HIRA: variants seen among roughly 807,000 people sequenced by gnomAD.
HIRA encodes protein HIRA.
In HIRA, 13 loss-of-function variants were observed where a neutral mutation model predicts 126.6. The observed-to-expected ratio is 0.10, with a 90% CI of 0.07 to 0.16. HIRA has a LOEUF of 0.16. HIRA is among the 10% of genes least tolerant of loss of function. The pLI is 1.00. For missense variants in HIRA, 834 were observed against 1,314.4 expected (o/e 0.63, Z 5.65); for synonymous variants, 511 against 520.0 (o/e 0.98, Z 0.24).
chr22:19,357,525 G>T lies in HIRA; in HGVS notation c.2235-474C>A, dbSNP rs180832678. On this transcript the variant is annotated intron_variant, in intron 18 of 24. Transcript: ENST00000263208. ...TCCAGGGGGCTGTCTGGCTGGCGTG[G>T]GAGATGTGTGTCGCTCCCAAACAAG... Among the ~76,000 whole-genome samples, 4 of 152,332 alleles carry T rather than the reference G, an allele frequency of 2.6e-5. No individual in the cohort carries two copies. In the East Asian group the frequency reaches 7.7e-4, roughly 29 times the overall value.
At chr22:19,400,493 T>C (rs1257934735) in intron 5 of HIRA, among the ~76,000 whole-genome samples, 1 of 152,214 alleles carries the variant, frequency 6.6e-6, no homozygotes, top group African/African-American at 2.4e-5. Context: ...GATGTTTCTA[T>C]CACTGGAACT....
At chr22:19,399,952 T>G (rs1884230618) in intron 5 of HIRA, among the ~76,000 whole-genome samples, 1 of 152,170 alleles carries the variant, frequency 6.6e-6, no homozygotes, top group Admixed American at 6.5e-5. Context: ...CAACTTTCTC[T>G]AGTAACTGAG....
chr22:19,383,159 C>A (rs751889058), intron 13 of HIRA, among the ~76,000 whole-genome samples: 6 of 152,082 alleles, frequency 3.9e-5, no homozygotes, highest in South Asian at 2.1e-4. Context: ...AAAAAAAAGA[C>A]TGGAAATACA....
intron 1 of HIRA, among the ~76,000 whole-genome samples, chr22:19,412,699 A>G (rs538606510): frequency 9.7e-4 from 147 of 152,284 alleles, no homozygotes; most frequent in African/African-American, 3.1e-3. Flanking sequence ...TGACTACCCA[A>G]GAGCACGTAC....
chr22:19,397,743 C>G (rs886590042), intron 6 of HIRA, among the ~76,000 whole-genome samples: 1 of 152,186 alleles, frequency 6.6e-6, no homozygotes, highest in Non-Finnish European at 1.5e-5. Context: ...CCAACAACAG[C>G]TGCCCATCCA....
At chr22:19,370,756 G>A (rs1010108388) in intron 15 of HIRA, among the ~76,000 whole-genome samples, 1 of 152,162 alleles carries the variant, frequency 6.6e-6, no homozygotes, top group African/African-American at 2.4e-5. Context: ...ACTCATTCTG[G>A]CTGGAAAGCA....
In HIRA at chr22:19,431,480, T is replaced by TAGG; in HGVS notation, c.-5_-4insCCT. On this transcript the variant is annotated 5_prime_UTR_variant, in exon 1 of 25. Coordinates refer to ENST00000263208, the MANE Select transcript of HIRA (RefSeq NM_003325.4). Reference sequence around the variant, plus strand: ...AGGTCGGCTTCAGGAGCTTCATTGTTCGGCCGCCGCCGCCGCCGGGCTGAG... The same window carrying TAGG: ...AGGTCGGCTTCAGGAGCTTCATTGTTAGGCGGCCGCCGCCGCCGCCGGGCTGAG... The TAGG allele has an allele frequency of 6.3e-7, 1 of 1,597,834 alleles. No homozygotes were observed.
In HIRA at chr22:19,407,174, T is replaced by C; in HGVS notation, c.302+10A>G. ...AAAATAAAATGTGAAGAAAGGAAAA[T>C]GATGCTTACGTAGCCCGCTTCCACA... On this transcript the variant is annotated intron_variant, in intron 4 of 24. Transcript: ENST00000263208. 1 of 1,604,706 alleles carries C rather than the reference T, an allele frequency of 6.2e-7. No individual in the cohort carries two copies. Among genetic ancestry groups the C allele is most frequent in the Non-Finnish European group, 8.5e-7 (1 of 1,171,702 alleles).
intron 1 of HIRA, among the ~76,000 whole-genome samples, chr22:19,421,460 G>T (rs529288117): frequency 6.6e-6 from 1 of 152,204 alleles, no homozygotes; most frequent in African/African-American, 2.4e-5. Context: ...CTTGTATAAT[G>T]TGCATACACT....
Position 19,351,236 on chromosome 22 carries a change from G to T in HIRA, c.2937+122C>A. The T allele has an allele frequency of 7.0e-7, 1 of 1,424,052 alleles. No homozygotes were observed. The allele number at this position is 1,424,052 out of a possible 1,614,324, so 88.2% of individuals were successfully genotyped here. A position where few individuals can be genotyped will look rare whatever the true frequency, so the allele number is the denominator to read the frequency against. On this transcript the variant is annotated intron_variant, in intron 24 of 24. Coordinates refer to ENST00000263208, the MANE Select transcript of HIRA (RefSeq NM_003325.4). This position sits in a 1 kb window ranked among gnomAD's most constrained non-coding sequence, Gnocchi z 4.8. Reference sequence around the variant, plus strand: ...CACCCTCTCACTGATGCTGGGACCTGAGGCTGGGTGCTGGAGAAGTCTAAC... The same window carrying T: ...CACCCTCTCACTGATGCTGGGACCTTAGGCTGGGTGCTGGAGAAGTCTAAC...
At chr22:19,346,179 T>C (rs782705265) in intron 24 of HIRA, among the ~76,000 whole-genome samples, 2 of 152,198 alleles carry the variant, frequency 1.3e-5, no homozygotes, top group African/African-American at 2.4e-5. Context: ...TCCCAGTTAT[T>C]TGAAGGATCA....
At position 19,392,093 on chromosome 22, in the gene HIRA, A is replaced by G. The variant is rs2089187964; in HGVS notation, c.936+8T>C. On this transcript the variant is annotated splice_region_variant and intron_variant, in intron 9 of 24. Transcript: ENST00000263208. ...TCCTGCAACAAAAGCTCAGGATAGC[A>G]GGCTCACCCAGACAGAAAGCGAGCG... The G allele has an allele frequency of 5.2e-6, 8 of 1,541,808 alleles. No individual in the cohort carries two copies. The highest frequency in any genetic ancestry group is 7.1e-6 in the Non-Finnish European group (8 of 1,123,288).
In HIRA at chr22:19,375,619, G is replaced by A. The variant is rs759639017; in HGVS notation, c.1775+12C>T. On this transcript the variant is annotated intron_variant, in intron 15 of 24. Transcript: ENST00000263208. ...CTGCCTGGTCCTTCAGGGTCCTGCA[G>A]CTACCACCTACCTTTCCACAGCTGT... The A allele has an allele frequency of 2.5e-6, 4 of 1,613,646 alleles. No homozygotes were observed. In the East Asian group the frequency reaches 8.9e-5, roughly 36 times the overall value.
intron 13 of HIRA, 117 bp downstream of exon 13, chr22:19,383,503 T>C (rs1321856729): frequency 4.9e-6 from 4 of 808,736 alleles, no homozygotes; most frequent in Non-Finnish European, 6.2e-6. Flanking sequence ...TGCTTCCATG[T>C]TCTACCAGTC....
intron 1 of HIRA, among the ~76,000 whole-genome samples, chr22:19,422,891 T>C (rs758884127): frequency 1.2e-4 from 19 of 152,104 alleles, no homozygotes; most frequent in Non-Finnish European, 2.5e-4. Context: ...CAAAAGAGCC[T>C]ATATCCAGGC....
At chr22:19,394,735 C>A (rs1331629551) in intron 7 of HIRA, among the ~76,000 whole-genome samples, 1 of 152,200 alleles carries the variant, frequency 6.6e-6, no homozygotes, top group Non-Finnish European at 1.5e-5. Context: ...CCCAGAGGAG[C>A]TGAACAAAGA....
At chr22:19,345,071 A>G (rs1326348745) in intron 24 of HIRA, among the ~76,000 whole-genome samples, 2 of 152,246 alleles carry the variant, frequency 1.3e-5, no homozygotes, top group African/African-American at 4.8e-5. Context: ...AATATCAGGA[A>G]CAAGAGAAGG....
intron 1 of HIRA, among the ~76,000 whole-genome samples, chr22:19,427,821 T>C (rs771411396): frequency 7.2e-5 from 11 of 152,196 alleles, no homozygotes; most frequent in Non-Finnish European, 1.3e-4. Flanking sequence ...CAACGAGATT[T>C]TCTAAACATA....
At position 19,331,495 on chromosome 22, in the gene HIRA, A is replaced by G; in HGVS notation, c.2999T>C (p.Phe1000Ser). ...LLPVIGQNLR[F>S]QRLFTECQEQ... is the part of the protein sequence containing the mutation. ...CTGACACTCGGTGAAGAGGCGCTGG[A>G]ATCGGAGGTTCTGCCCGATGACTGG... The change falls in exon 25 of 25, where the codon TTC (phenylalanine) becomes TCC (serine). Residue 1000 changes from phenylalanine to serine, a missense_variant. Phe to Ser is a radical substitution (Grantham distance 155, BLOSUM62 -2). This residue lies in a region of HIRA where 58 missense variants were observed against 114.5 expected (regional missense o/e 0.51). Transcript: ENST00000263208. 2 of 1,613,820 alleles carry G rather than the reference A, an allele frequency of 1.2e-6. No homozygotes were observed. Among genetic ancestry groups the G allele is most frequent in the Non-Finnish European group, 1.7e-6 (2 of 1,179,766 alleles).
Sources: allele counts gnomAD v4.1 joint callset (sites outside exome capture counted in the v4.1 genomes callset), GRCh38; gene constraint gnomAD v4.1.1; regional missense constraint gnomAD v4.1.1; non-coding constraint Gnocchi (gnomAD v3.1); transcripts MANE v1.5; gene names NCBI Gene and HGNC (gene_info 2026-07-23, HGNC 2026-07-21).